The following INPP4B variants were observed in gnomAD, a reference collection of about 807,000 sequenced individuals.
INPP4B encodes inositol polyphosphate-4-phosphatase type II B.
In INPP4B, 55 loss-of-function variants were observed where a neutral mutation model predicts 122.5. The observed-to-expected ratio is 0.45, with a 90% CI of 0.36 to 0.56. INPP4B has a LOEUF of 0.56. INPP4B is among the 20% of genes least tolerant of loss of function. The probability of loss-of-function intolerance (pLI) is 0.00; values close to 1 mark genes in which losing one functional copy is unlikely to be tolerated. For synonymous variants in INPP4B, 403 were observed against 388.7 expected (o/e 1.04, Z -0.43); for missense variants, 1,000 against 1,097.7 (o/e 0.91, Z 1.26).
intron 1 of INPP4B, among the ~76,000 whole-genome samples, chr4:142,787,332 TG>T (rs1775902770): frequency 6.6e-6 from 1 of 152,078 alleles, no homozygotes; most frequent in African/African-American, 2.4e-5. Flanking sequence ...ATACCATCAT[TG>T]TGGAAGTGTG....
At chr4:142,346,901 A>G (rs1780478206) in intron 7 of INPP4B, among the ~76,000 whole-genome samples, 1 of 152,028 alleles carries the variant, frequency 6.6e-6, no homozygotes, top group Non-Finnish European at 1.5e-5. Flanking sequence ...CAGCCATCCT[A>G]TTATTGACCC....
At chr4:142,636,293 C>T (rs1749148999) in intron 2 of INPP4B, among the ~76,000 whole-genome samples, 1 of 151,800 alleles carries the variant, frequency 6.6e-6, no homozygotes, top group Non-Finnish European at 1.5e-5. Context: ...TGAGAATGGA[C>T]TAATACAGAA....
chr4:142,255,585 C>T (rs1469588774), intron 11 of INPP4B, among the ~76,000 whole-genome samples: 1 of 152,106 alleles, frequency 6.6e-6, no homozygotes, highest in Non-Finnish European at 1.5e-5. Context: ...TTTAAACCAA[C>T]AAAGACCAAA....
chr4:142,342,143 T>A (rs1369698843), intron 7 of INPP4B, among the ~76,000 whole-genome samples: 2 of 152,066 alleles, frequency 1.3e-5, no homozygotes, highest in African/African-American at 4.8e-5. Flanking sequence ...CCTCCCAGAG[T>A]AGTTGCGAGC....
At chr4:142,683,436 T>A (rs1419207232) in intron 2 of INPP4B, among the ~76,000 whole-genome samples, 1 of 151,792 alleles carries the variant, frequency 6.6e-6, no homozygotes, top group Non-Finnish European at 1.5e-5. Flanking sequence ...GGGAAACAGA[T>A]GCAGCACAGA....
chr4:142,813,004 A>G (rs948576360), intron 1 of INPP4B, among the ~76,000 whole-genome samples: 11 of 152,182 alleles, frequency 7.2e-5, no homozygotes, highest in Non-Finnish European at 1.5e-4. Context: ...TTAATGCCAT[A>G]TCCCCTGCCT....
At chr4:142,835,454 C>A (rs1782664336) in intron 1 of INPP4B, among the ~76,000 whole-genome samples, 1 of 152,122 alleles carries the variant, frequency 6.6e-6, no homozygotes. Context: ...TTAAGAAATA[C>A]ATAAACAGCT....
chr4:142,045,583 C>T (rs1156460772), intron 25 of INPP4B, among the ~76,000 whole-genome samples: 1 of 152,038 alleles, frequency 6.6e-6, no homozygotes, highest in Non-Finnish European at 1.5e-5. Flanking sequence ...CTGTAAGTTA[C>T]AGAGACTTGG....
intron 16 of INPP4B, among the ~76,000 whole-genome samples, chr4:142,170,896 T>C (rs1226057395): frequency 1.3e-5 from 2 of 151,758 alleles, no homozygotes; most frequent in Non-Finnish European, 2.9e-5. Flanking sequence ...CAGTGTTTAT[T>C]TAGATGGATG....
chr4:142,184,595 A>G (rs1402500188), intron 15 of INPP4B, among the ~76,000 whole-genome samples: 1 of 152,170 alleles, frequency 6.6e-6, no homozygotes, highest in African/African-American at 2.4e-5. Flanking sequence ...TCCATTCATC[A>G]AACTCTTTTC....
chr4:142,208,250 G>A (rs1446953067), intron 14 of INPP4B, among the ~76,000 whole-genome samples, 175 bp downstream of exon 14: 1 of 152,044 alleles, frequency 6.6e-6, no homozygotes, highest in Non-Finnish European at 1.5e-5. Flanking sequence ...CAAAAATACA[G>A]CAACAAAAAT....
chr4:142,612,926 C>T (rs1197276530), intron 2 of INPP4B, among the ~76,000 whole-genome samples: 3 of 152,138 alleles, frequency 2.0e-5, no homozygotes, highest in Non-Finnish European at 4.4e-5. Context: ...GTTATTATTT[C>T]CTGGACCTAT....
In INPP4B at chr4:142,842,636, C is replaced by CTAACATAATATATTATGTTAATATA. The variant is rs1783647102; in HGVS notation, c.-254+3548_-254+3572dup. Among the ~76,000 whole-genome samples, 9 of 127,080 alleles carry CTAACATAATATATTATGTTAATATA rather than the reference C, an allele frequency of 7.1e-5. No individual in the cohort carries two copies. The South Asian group carries it at 1.6e-3, about 23-fold the overall frequency. 83.4% of individuals were successfully genotyped at this position (127,080 alleles called of 152,430 possible). A position where few individuals can be genotyped will look rare whatever the true frequency, so the allele number is the denominator to read the frequency against. On this transcript the variant is annotated intron_variant, in intron 1 of 25. Transcript: ENST00000262992. ...TATAATATATTTATATATAATAATC[C>CTAACATAATATATTATGTTAATATA]TAACATAATATATTATGTTAATATA...
At chr4:142,113,621 G>T (rs1160019450) in intron 21 of INPP4B, among the ~76,000 whole-genome samples, 1 of 151,932 alleles carries the variant, frequency 6.6e-6, no homozygotes, top group African/African-American at 2.4e-5. Context: ...AATTTAGCAA[G>T]CAGGGATGTT....
At chr4:142,129,679 G>A (rs1222211045) in intron 18 of INPP4B, among the ~76,000 whole-genome samples, 1 of 152,128 alleles carries the variant, frequency 6.6e-6, no homozygotes, top group Non-Finnish European at 1.5e-5. Flanking sequence ...TGCTTCGAAT[G>A]TTTTCCAGGC....
At chr4:142,363,618 A>C (rs2148584852) in intron 7 of INPP4B, among the ~76,000 whole-genome samples, 1 of 152,112 alleles carries the variant, frequency 6.6e-6, no homozygotes, top group Non-Finnish European at 1.5e-5. Flanking sequence ...AGATGCCCAA[A>C]GCCAAGCAGA....
intron 1 of INPP4B, among the ~76,000 whole-genome samples, chr4:142,794,549 A>G (rs577923334): frequency 4.6e-5 from 7 of 152,110 alleles, no homozygotes; most frequent in Non-Finnish European, 8.8e-5. Flanking sequence ...AGAACATAAT[A>G]TACTTAATGC....
At chr4:142,418,956 T>C (rs901056825) in intron 5 of INPP4B, among the ~76,000 whole-genome samples, 8 of 151,878 alleles carry the variant, frequency 5.3e-5, no homozygotes, top group African/African-American at 1.7e-4. Context: ...TGAAGGACAG[T>C]GGTGGGGATG....
At chr4:142,126,536 A>G (rs1578999035) in intron 18 of INPP4B, among the ~76,000 whole-genome samples, 1 of 152,186 alleles carries the variant, frequency 6.6e-6, no homozygotes, top group Non-Finnish European at 1.5e-5. Context: ...CATAATGTAA[A>G]ATACATTAGA....
Sources: gnomAD v4.1 joint callset for allele counts (sites outside exome capture counted in the v4.1 genomes callset) on GRCh38, gnomAD v4.1.1 for gene constraint, MANE v1.5 for transcripts, NCBI Gene and HGNC (gene_info 2026-07-23, HGNC 2026-07-21) for gene names.